The following SEMA5A variants were observed in gnomAD, a reference collection of about 807,000 sequenced individuals.
SEMA5A encodes the protein semaphorin 5A.
A neutral mutation model predicts 135.5 loss-of-function variants in SEMA5A; 55 were observed. The ratio of observed to expected loss-of-function variants is 0.41; its 90% CI spans 0.33 to 0.51. The LOEUF (loss-of-function observed/expected upper bound fraction) is 0.51. SEMA5A is among the 20% of genes least tolerant of loss of function. The probability of loss-of-function intolerance (pLI) is 0.37; values close to 1 mark genes in which losing one functional copy is unlikely to be tolerated. For missense variants in SEMA5A, 1,290 were observed against 1,419.9 expected, an observed-to-expected ratio of 0.91 and a Z score of 1.47; for synonymous variants, 580 against 546.5, an observed-to-expected ratio of 1.06 and a Z score of -0.85.
chr5:9,387,449 A>G (rs1755946322), intron 2 of SEMA5A, among the ~76,000 whole-genome samples: 1 of 152,248 alleles, frequency 6.6e-6, no homozygotes, highest in African/African-American at 2.4e-5. Flanking sequence ...TTTTATATTT[A>G]TGAAATCGAA....
chr5:9,401,856 A>T (rs1011457189), intron 2 of SEMA5A, among the ~76,000 whole-genome samples: 1 of 152,154 alleles, frequency 6.6e-6, no homozygotes, highest in Non-Finnish European at 1.5e-5. Context: ...CATTCCCTCC[A>T]TATCAATATC....
chr5:9,339,100 T>C (rs563103020), intron 3 of SEMA5A, among the ~76,000 whole-genome samples: 2 of 152,294 alleles, frequency 1.3e-5, no homozygotes, highest in Non-Finnish European at 2.9e-5. Flanking sequence ...GGCAAATCAA[T>C]TAAAATACGT....
At position 9,063,104 on chromosome 5, in the gene SEMA5A, C is replaced by T. The variant is rs375415916; in HGVS notation, c.2301G>A (p.Gly767=). 6.2e-7 allele frequency: 1 copy of T among 1,610,570 alleles called. No homozygotes were observed. The highest frequency in any genetic ancestry group is 8.5e-7 in the Non-Finnish European group (1 of 1,178,276). ...SDGTSGCSTD[G]LSGDFLRAGR... ...CAGCACGCAGGAAATCCCCAGAAAG[C>T]CCTGCCAAGGAAACAGGTGAAGTGT... Residue 767 remains glycine, a splice_region_variant and synonymous_variant, in exon 18 of 23, where the codon GGG becomes GGA. Transcript: ENST00000382496.
At chr5:9,094,279 T>C (rs994402414) in intron 16 of SEMA5A, among the ~76,000 whole-genome samples, 3 of 147,562 alleles carry the variant, frequency 2.0e-5, no homozygotes, top group African/African-American at 7.8e-5. Flanking sequence ...TTGAAGTCAT[T>C]GAGAATTTTC....
At chr5:9,086,160 G>T (rs1281874410) in intron 16 of SEMA5A, among the ~76,000 whole-genome samples, 3 of 152,180 alleles carry the variant, frequency 2.0e-5, no homozygotes, top group Admixed American at 1.3e-4. Flanking sequence ...TCTCAGATGA[G>T]ACTTTGGACT....
At chr5:9,430,283 A>G (rs1757811625) in intron 2 of SEMA5A, among the ~76,000 whole-genome samples, 1 of 152,194 alleles carries the variant, frequency 6.6e-6, no homozygotes, top group African/African-American at 2.4e-5. Context: ...TTCAGTTTGG[A>G]CATGGTTAAT....
chr5:9,321,350 T>G (rs1752619989), intron 4 of SEMA5A, among the ~76,000 whole-genome samples: 1 of 152,176 alleles, frequency 6.6e-6, no homozygotes, highest in Non-Finnish European at 1.5e-5. Flanking sequence ...TACTAGCCAT[T>G]GTACACCCGT....
intron 3 of SEMA5A, among the ~76,000 whole-genome samples, chr5:9,349,697 C>G (rs1754028888): frequency 6.6e-6 from 1 of 152,130 alleles, no homozygotes; most frequent in East Asian, 1.9e-4. Context: ...GTCAGGAGAT[C>G]AAGACCATCC....
chr5:9,233,830 GC>G (rs1249235920), intron 6 of SEMA5A, among the ~76,000 whole-genome samples: 2 of 151,864 alleles, frequency 1.3e-5, no homozygotes, highest in Non-Finnish European at 2.9e-5. Context: ...TGCACACCCA[GC>G]CACCTCCTTC....
chr5:9,255,415 G>C (rs746377004), intron 5 of SEMA5A, among the ~76,000 whole-genome samples: 1 of 152,198 alleles, frequency 6.6e-6, no homozygotes, highest in South Asian at 2.1e-4. Flanking sequence ...TTTGTTGAGC[G>C]TGAGAAACAA....
At chr5:9,411,183 G>A (rs1017805322) in intron 2 of SEMA5A, among the ~76,000 whole-genome samples, 5 of 152,162 alleles carry the variant, frequency 3.3e-5, no homozygotes, top group East Asian at 1.9e-4. Flanking sequence ...CAAGTGACAC[G>A]TCTTTAGCAT....
chr5:9,071,801 C>A (rs902331191), intron 16 of SEMA5A, among the ~76,000 whole-genome samples: 12 of 152,162 alleles, frequency 7.9e-5, no homozygotes, highest in Admixed American at 1.3e-4. Context: ...CTTATGGTTT[C>A]CATATGCATT....
chr5:9,522,115 C>G (rs1014819442), intron 1 of SEMA5A, among the ~76,000 whole-genome samples: 5 of 152,218 alleles, frequency 3.3e-5, no homozygotes, highest in African/African-American at 1.2e-4. Context: ...GTTACCTCCA[C>G]AGCCTGACAC....
chr5:9,535,637 T>A (rs1345367102), intron 1 of SEMA5A, among the ~76,000 whole-genome samples: 1 of 151,430 alleles, frequency 6.6e-6, no homozygotes, highest in African/African-American at 2.4e-5. Flanking sequence ...ACCACCTGGG[T>A]TGGGTTCAGG....
At chr5:9,181,231 T>C (rs1744492625) in intron 11 of SEMA5A, among the ~76,000 whole-genome samples, 1 of 152,108 alleles carries the variant, frequency 6.6e-6, no homozygotes, top group Non-Finnish European at 1.5e-5. Context: ...TCATTCTTCC[T>C]CCTTGGTGAA....
intron 5 of SEMA5A, among the ~76,000 whole-genome samples, chr5:9,245,784 A>C (rs1452026940): frequency 6.6e-6 from 1 of 152,336 alleles, no homozygotes; most frequent in East Asian, 1.9e-4. Context: ...CTCAAATCTC[A>C]GAAGCACCTC....
chr5:9,520,318 C>T (rs900142907), intron 1 of SEMA5A, among the ~76,000 whole-genome samples: 1 of 152,192 alleles, frequency 6.6e-6, no homozygotes, highest in African/African-American at 2.4e-5. Flanking sequence ...AGGTAAACCA[C>T]CAAATACATG....
At chr5:9,066,681 G>C in intron 16 of SEMA5A, 35 bp from the exon 17 acceptor site, 1 of 1,592,128 alleles carries the variant, frequency 6.3e-7, no homozygotes, top group East Asian at 2.2e-5. Flanking sequence ...TTACTATACG[G>C]GGTAAACAGA....
chr5:9,088,454 G>A (rs1285173078), intron 16 of SEMA5A, among the ~76,000 whole-genome samples: 1 of 150,682 alleles, frequency 6.6e-6, no homozygotes, highest in Non-Finnish European at 1.5e-5. Flanking sequence ...AGAAAAAAAA[G>A]TTAGTTTTCT....
Sources: allele counts gnomAD v4.1 joint callset (sites outside exome capture counted in the v4.1 genomes callset), GRCh38; gene constraint gnomAD v4.1.1; transcripts MANE v1.5; gene names NCBI Gene and HGNC (gene_info 2026-07-23, HGNC 2026-07-21).